Variants in HIVEP3 observed in about 807,000 individuals in gnomAD.
HIVEP3 encodes the protein HIVEP zinc finger 3.
Under a neutral mutation model 152.8 loss-of-function variants are expected in HIVEP3, and 49 were observed. The ratio of observed to expected loss-of-function variants is 0.32; its 90% CI spans 0.26 to 0.41. The LOEUF is 0.41. Among genes scored for constraint, HIVEP3 ranks in the 10% least tolerant of loss-of-function variants. The pLI is 1.00. For missense variants in HIVEP3, 2,790 were observed against 3,103.3 expected (o/e 0.90, Z 2.40); for synonymous variants, 1,269 against 1,289.0 (o/e 0.98, Z 0.33).
chr1:41,784,580 T>G (rs909298859), intron 1 of HIVEP3, among the ~76,000 whole-genome samples: 3 of 152,174 alleles, frequency 2.0e-5, no homozygotes, highest in African/African-American at 7.2e-5. Flanking sequence ...GAGCTTACAC[T>G]TATGCACTCA....
At chr1:41,544,433 TG>T (rs1643610636) in intron 5 of HIVEP3, 1 of 151,888 alleles carries the variant, frequency 6.6e-6, no homozygotes, top group Non-Finnish European at 1.5e-5. Flanking sequence ...CTCTTTGAAT[TG>T]ATTAAACACC....
chr1:41,781,781 T>G (rs1390267039), intron 1 of HIVEP3, among the ~76,000 whole-genome samples: 1 of 152,226 alleles, frequency 6.6e-6, no homozygotes, highest in African/African-American at 2.4e-5. Flanking sequence ...AAACCAAGAT[T>G]TTCTTGCCTC....
intron 1 of HIVEP3, among the ~76,000 whole-genome samples, chr1:41,989,047 G>A (rs1645341076): frequency 1.3e-5 from 2 of 152,114 alleles, no homozygotes; most frequent in Non-Finnish European, 2.9e-5. Context: ...TAAAAATGGT[G>A]GTCCCTAGAG....
intron 1 of HIVEP3, among the ~76,000 whole-genome samples, chr1:41,963,138 T>C (rs1460103725): frequency 2.0e-5 from 3 of 152,154 alleles, no homozygotes; most frequent in African/African-American, 7.2e-5. Flanking sequence ...CAGCCTCCCA[T>C]GTAGCTGGGA....
At chr1:41,610,153 A>ATC (rs1252749460) in intron 3 of HIVEP3, among the ~76,000 whole-genome samples, 15 of 152,008 alleles carry the variant, frequency 9.9e-5, no homozygotes. Context: ...ATTCCTTAAA[A>ATC]TCTCTCTCTC....
At chr1:41,805,910 C>T (rs1216406090) in intron 1 of HIVEP3, among the ~76,000 whole-genome samples, 1 of 152,158 alleles carries the variant, frequency 6.6e-6, no homozygotes, top group East Asian at 1.9e-4. Context: ...CGTGCACGCA[C>T]ACACATCTCC....
At chr1:41,594,305 C>T (rs1362413895) in intron 3 of HIVEP3, among the ~76,000 whole-genome samples, 1 of 152,180 alleles carries the variant, frequency 6.6e-6, no homozygotes, top group Non-Finnish European at 1.5e-5. Flanking sequence ...TCATTCCAAC[C>T]TCTGCCTCCT....
intron 1 of HIVEP3, among the ~76,000 whole-genome samples, chr1:41,886,322 C>T (rs1194431016): frequency 6.6e-6 from 1 of 152,130 alleles, no homozygotes; most frequent in East Asian, 1.9e-4. Context: ...CCATGGCTTC[C>T]AGTGCTAAGC....
At chr1:41,823,217 C>T (rs1451794583) in intron 1 of HIVEP3, among the ~76,000 whole-genome samples, 1 of 152,222 alleles carries the variant, frequency 6.6e-6, no homozygotes, top group Non-Finnish European at 1.5e-5. Context: ...TGGTCTTGGG[C>T]TTCTGGCCTG....
intron 1 of HIVEP3, among the ~76,000 whole-genome samples, chr1:41,723,486 ACACACACACAGCCAC>A (rs1558212423): frequency 7.3e-6 from 1 of 136,164 alleles, no homozygotes; most frequent in East Asian, 2.3e-4. Context: ...TCATACACAC[ACACACACACAGCCAC>A]CACACACACA....
intron 5 of HIVEP3, among the ~76,000 whole-genome samples, chr1:41,559,640 A>C (rs1260125513): frequency 6.6e-6 from 1 of 152,142 alleles, no homozygotes; most frequent in Admixed American, 6.5e-5. Flanking sequence ...TTTTGTGTAC[A>C]CTTATCACAT....
At chr1:41,993,618 A>T (rs1230422495) in intron 1 of HIVEP3, among the ~76,000 whole-genome samples, 1 of 152,214 alleles carries the variant, frequency 6.6e-6, no homozygotes, top group East Asian at 1.9e-4. Flanking sequence ...TAGAACCAGA[A>T]ATACCATTTG....
intron 5 of HIVEP3, among the ~76,000 whole-genome samples, chr1:41,571,697 G>T (rs1168100564): frequency 6.6e-6 from 1 of 152,180 alleles, no homozygotes; most frequent in African/African-American, 2.4e-5. Context: ...AGAGGAGCAG[G>T]GCTGAGTATT....
intron 4 of HIVEP3, among the ~76,000 whole-genome samples, chr1:41,576,569 A>G (rs937694801): frequency 9.2e-5 from 14 of 152,208 alleles, no homozygotes; most frequent in African/African-American, 3.4e-4. Context: ...CACTGTCATT[A>G]AGGTCATGAA....
In HIVEP3 at chr1:41,581,851, G is replaced by T; in HGVS notation, c.2947C>A (p.Pro983Thr). 6.2e-7 allele frequency: 1 copy of T among 1,603,498 alleles called. No homozygotes were observed. The change falls in exon 4 of 9, where the codon CCA (proline) becomes ACA (threonine). Residue 983 changes from proline to threonine, a missense_variant. Pro to Thr is a conservative substitution (Grantham distance 38). Coordinates refer to ENST00000372583, the MANE Select transcript of HIVEP3 (RefSeq NM_024503.5). This position sits in a 1 kb window ranked among gnomAD's most constrained non-coding sequence, Gnocchi z 4.5. ...THMLTVPSHH[P>T]HAREMRRSAS... is the part of the protein sequence containing the mutation. ...GACCTCCGCATCTCTCGGGCATGTG[G>T]GTGGTGGCTGGGGACAGTCAACATG...
intron 2 of HIVEP3, among the ~76,000 whole-genome samples, chr1:41,647,095 G>A (rs1325046865): frequency 1.3e-5 from 2 of 152,192 alleles, no homozygotes; most frequent in Non-Finnish European, 2.9e-5. Flanking sequence ...GGGACCTTGT[G>A]GGTAATCCAG....
At chr1:41,886,814 T>C (rs1172402438) in intron 1 of HIVEP3, among the ~76,000 whole-genome samples, 4 of 151,420 alleles carry the variant, frequency 2.6e-5, no homozygotes, top group Non-Finnish European at 5.9e-5. Context: ...TCTTTGGACA[T>C]GTGGAATTGA....
chr1:41,634,047 C>T (rs999883456), intron 2 of HIVEP3, among the ~76,000 whole-genome samples: 4 of 151,810 alleles, frequency 2.6e-5, no homozygotes, highest in African/African-American at 7.3e-5. Flanking sequence ...CCCTTAGATC[C>T]GTTACTCAGC....
At chr1:41,772,312 T>A (rs796817141) in intron 1 of HIVEP3, among the ~76,000 whole-genome samples, 7 of 152,320 alleles carry the variant, frequency 4.6e-5, no homozygotes, top group African/African-American at 1.4e-4. Context: ...GATGAACTAA[T>A]CTCTTCATGG....
Sources: allele counts gnomAD v4.1 joint callset (sites outside exome capture counted in the v4.1 genomes callset), GRCh38; gene constraint gnomAD v4.1.1; non-coding constraint Gnocchi (gnomAD v3.1); transcripts MANE v1.5; gene names NCBI Gene and HGNC (gene_info 2026-07-23, HGNC 2026-07-21).